Variants in MCUB observed in about 807,000 individuals in gnomAD.
MCUB encodes calcium uniporter regulatory subunit MCUb, mitochondrial.
In MCUB, 46 loss-of-function variants were observed where a neutral mutation model predicts 41.4. The observed-to-expected ratio is 1.11, with a 90% confidence interval of 0.88 to 1.42. MCUB has a LOEUF of 1.42. Ranked by LOEUF, MCUB falls within the 40% of genes most tolerant of loss-of-function variation. The pLI is 0.00. For synonymous variants in MCUB, 148 were observed against 148.2 expected (o/e 1.00, Z 0.01); for missense variants, 403 against 404.9 (o/e 1.00, Z 0.04).
At position 109,651,194 on chromosome 4, in the gene MCUB, C is replaced by T. The variant is rs545187552; in HGVS notation, c.100-7817C>T. Among the ~76,000 whole-genome samples, 5 of 152,252 alleles carry T rather than the reference C, an allele frequency of 3.3e-5. No homozygotes were observed. The East Asian group carries it at 9.6e-4, about 29-fold the overall frequency. ...AGAATACACTCATGGTTTCCTATCT[C>T]CTTCAGTGGATTATAATTTGTTACT... is the stretch of plus-strand genomic sequence containing the variant. On this transcript the variant is annotated intron_variant, in intron 1 of 7. Transcript: ENST00000394650.
At chr4:109,594,791 T>C (rs1229691331) in intron 1 of MCUB, among the ~76,000 whole-genome samples, 2 of 151,718 alleles carry the variant, frequency 1.3e-5, no homozygotes, top group African/African-American at 4.8e-5. Context: ...TTTTTTTTTT[T>C]TAAGGAGAGA....
intron 1 of MCUB, among the ~76,000 whole-genome samples, chr4:109,632,008 C>T (rs902766941): frequency 6.6e-6 from 1 of 152,098 alleles, no homozygotes; most frequent in African/African-American, 2.4e-5. Flanking sequence ...GGCGCTGATG[C>T]TTGTGTATTT....
chr4:109,684,426 T>C lies in MCUB; in HGVS notation c.613-17T>C. On this transcript the variant is annotated splice_polypyrimidine_tract_variant and intron_variant, in intron 5 of 7. Coordinates refer to ENST00000394650, the MANE Select transcript of MCUB (RefSeq NM_017918.5). Reference sequence around the variant, plus strand: ...TGTATTTGTAAACAGAATTAACAGTTTTTCATTCCCCCTCAGGTGAAAGCT... The same window carrying C: ...TGTATTTGTAAACAGAATTAACAGTCTTTCATTCCCCCTCAGGTGAAAGCT... 1 of 1,586,280 alleles carries C rather than the reference T, an allele frequency of 6.3e-7. No homozygotes were observed. Among genetic ancestry groups the C allele is most frequent in the South Asian group, 1.1e-5 (1 of 87,296 alleles).
At chr4:109,663,302 T>G (rs568840509) in intron 3 of MCUB, among the ~76,000 whole-genome samples, 3 of 152,246 alleles carry the variant, frequency 2.0e-5, no homozygotes, top group Non-Finnish European at 4.4e-5. Flanking sequence ...TTGCTTATTG[T>G]TCAGTGAATT....
chr4:109,687,842 G>T lies in MCUB; in HGVS notation c.*250G>T, dbSNP rs1729886140. ...TGCTGTTAGCTAAAAATCCTTGTCA[G>T]CTTGTCCCACGTTTATTCTCTATGT... On this transcript the variant is annotated 3_prime_UTR_variant, in exon 8 of 8. Coordinates refer to ENST00000394650, the MANE Select transcript of MCUB (RefSeq NM_017918.5). The T allele has an allele frequency of 4.4e-6, 2 of 452,726 alleles. No individual in the cohort carries two copies. Among genetic ancestry groups the T allele is most frequent in the South Asian group, 2.8e-5 (1 of 35,572 alleles). The allele number at this position is 452,726 out of a possible 1,614,324, so 28.0% of individuals were successfully genotyped here.
intron 1 of MCUB, among the ~76,000 whole-genome samples, chr4:109,603,584 A>G (rs1279943689): frequency 1.4e-5 from 2 of 146,578 alleles, no homozygotes; most frequent in Admixed American, 1.4e-4. Flanking sequence ...GAGCGTCTCT[A>G]CCTGGCCGCC....
At chr4:109,641,294 C>A (rs534847748) in intron 1 of MCUB, among the ~76,000 whole-genome samples, 1 of 147,130 alleles carries the variant, frequency 6.8e-6, no homozygotes, top group Non-Finnish European at 1.5e-5. Context: ...TTAGTAGAGA[C>A]GGGTTTTCAC....
At chr4:109,604,909 A>C (rs1369608835) in intron 1 of MCUB, among the ~76,000 whole-genome samples, 1 of 152,084 alleles carries the variant, frequency 6.6e-6, no homozygotes, top group East Asian at 1.9e-4. Context: ...AATGTGTTCT[A>C]GATTTGGTTT....
chr4:109,572,307 A>G (rs17040528), intron 1 of MCUB, among the ~76,000 whole-genome samples: 43,209 of 152,234 alleles, frequency 0.28, 9,561 homozygotes, highest in African/African-American at 0.62. Flanking sequence ...TTTATGCAAT[A>G]ACATCTGATA....
chr4:109,617,373 A>G (rs2126134813), intron 1 of MCUB, among the ~76,000 whole-genome samples: 1 of 152,292 alleles, frequency 6.6e-6, no homozygotes, highest in South Asian at 2.1e-4. Flanking sequence ...AGTCAATGTG[A>G]CAGCCAAATA....
At chr4:109,682,799 G>A (rs1022954770) in intron 5 of MCUB, 57 bp downstream of exon 5, 4 of 1,334,732 alleles carry the variant, frequency 3.0e-6, no homozygotes, top group African/African-American at 1.5e-5. Context: ...TTTATTGAGT[G>A]CTCCTCATGT....
chr4:109,580,581 G>A (rs1207236964), intron 1 of MCUB, among the ~76,000 whole-genome samples: 2 of 152,206 alleles, frequency 1.3e-5, no homozygotes, highest in Admixed American at 6.5e-5. Context: ...TCTAACTGGT[G>A]TGAGATGGCA....
chr4:109,580,538 T>G (rs576204386), intron 1 of MCUB, among the ~76,000 whole-genome samples: 1 of 152,136 alleles, frequency 6.6e-6, no homozygotes, highest in African/African-American at 2.4e-5. Context: ...CTTTCCAGCA[T>G]CTGTTGTTTC....
intron 3 of MCUB, among the ~76,000 whole-genome samples, chr4:109,662,954 T>C (rs1362150539): frequency 2.6e-5 from 4 of 152,148 alleles, no homozygotes; most frequent in African/African-American, 9.7e-5. Flanking sequence ...TTTTGGAAAA[T>C]GATCTCACTG....
chr4:109,585,848 G>T (rs1007842158), intron 1 of MCUB, among the ~76,000 whole-genome samples: 9 of 152,194 alleles, frequency 5.9e-5, no homozygotes, highest in Non-Finnish European at 1.3e-4. Context: ...CCCTTTGTGG[G>T]TAACCTGACC....
intron 1 of MCUB, among the ~76,000 whole-genome samples, chr4:109,609,652 T>A (rs1319823153): frequency 6.6e-6 from 1 of 152,172 alleles, no homozygotes; most frequent in African/African-American, 2.4e-5. Flanking sequence ...ATGGAGCTGC[T>A]CTGGTTCAGA....
chr4:109,674,371 G>C (rs111761723), intron 4 of MCUB, among the ~76,000 whole-genome samples: 2 of 152,164 alleles, frequency 1.3e-5, no homozygotes, highest in African/African-American at 4.8e-5. Flanking sequence ...GCACTTGATG[G>C]TGTTGAAATG....
At chr4:109,664,077 C>A (rs1729290442) in intron 3 of MCUB, among the ~76,000 whole-genome samples, 1 of 152,234 alleles carries the variant, frequency 6.6e-6, no homozygotes, top group Non-Finnish European at 1.5e-5. Flanking sequence ...GAGTGCCTGC[C>A]TGTTCCATTT....
intron 1 of MCUB, among the ~76,000 whole-genome samples, chr4:109,573,076 T>C (rs1726950395): frequency 6.6e-6 from 1 of 152,214 alleles, no homozygotes; most frequent in Non-Finnish European, 1.5e-5. Context: ...GAATTGTCTT[T>C]TTCTGGAGTC....
Sources: gnomAD v4.1 joint callset for allele counts (sites outside exome capture counted in the v4.1 genomes callset) on GRCh38, gnomAD v4.1.1 for gene constraint, MANE v1.5 for transcripts, NCBI Gene and HGNC (gene_info 2026-07-23, HGNC 2026-07-21) for gene names.